The following DDX6 variants were observed in gnomAD, a reference collection of about 807,000 sequenced individuals.
The protein encoded by DDX6 is probable ATP-dependent RNA helicase DDX6.
Under a neutral mutation model 60.6 loss-of-function variants are expected in DDX6, and 7 were observed. The ratio of observed to expected loss-of-function variants is 0.12; its 90% CI spans 0.07 to 0.22. The LOEUF is 0.22. Ranked by LOEUF, DDX6 falls within the 10% of genes least tolerant of loss-of-function variation. The probability of loss-of-function intolerance (pLI) is 1.00; values close to 1 mark genes in which losing one functional copy is unlikely to be tolerated. For missense variants in DDX6, 270 were observed against 589.9 expected, an observed-to-expected ratio of 0.46 and a Z score of 5.62; for synonymous variants, 207 against 201.0, an observed-to-expected ratio of 1.03 and a Z score of -0.25.
intron 4 of DDX6, among the ~76,000 whole-genome samples, chr11:118,773,512 C>A (rs1861603194): frequency 6.6e-6 from 1 of 152,128 alleles, no homozygotes; most frequent in Admixed American, 6.5e-5. Flanking sequence ...GCAGAACTTG[C>A]AGTGAGCCAA....
At chr11:118,779,890 C>T (rs1555164319) in intron 3 of DDX6, among the ~76,000 whole-genome samples, 154 bp from the exon 4 acceptor site, 2 of 152,012 alleles carry the variant, frequency 1.3e-5, no homozygotes, top group African/African-American at 4.8e-5. Context: ...CCAAGGCGGG[C>T]AGATCACCTG....
At chr11:118,754,081 G>A (rs1160958141) in intron 13 of DDX6, among the ~76,000 whole-genome samples, 1 of 152,154 alleles carries the variant, frequency 6.6e-6, no homozygotes, top group Non-Finnish European at 1.5e-5. Context: ...CTGGGCAACA[G>A]AGCAAGACTC....
At chr11:118,766,107 A>C (rs1315426733) in intron 5 of DDX6, among the ~76,000 whole-genome samples, 2 of 152,032 alleles carry the variant, frequency 1.3e-5, no homozygotes, top group Admixed American at 6.6e-5. Context: ...TGCCCCTTAT[A>C]ATCTAGATAC....
At chr11:118,778,407 TCCC>T (rs1222193833) in intron 4 of DDX6, among the ~76,000 whole-genome samples, 1 of 152,002 alleles carries the variant, frequency 6.6e-6, no homozygotes, top group Non-Finnish European at 1.5e-5. Context: ...TCCTTTAGCA[TCCC>T]CCCATTGATG....
At chr11:118,773,232 T>G (rs1861592806) in intron 4 of DDX6, among the ~76,000 whole-genome samples, 1 of 152,188 alleles carries the variant, frequency 6.6e-6, no homozygotes, top group Admixed American at 6.5e-5. Context: ...CACTGACTGC[T>G]TCCTCTTATT....
At chr11:118,777,183 ATC>A (rs1200338268) in intron 4 of DDX6, among the ~76,000 whole-genome samples, 12 of 152,062 alleles carry the variant, frequency 7.9e-5, no homozygotes, top group African/African-American at 2.9e-4. Flanking sequence ...GCAACCATAT[ATC>A]TGTCTTATTC....
rs868990028 is a variant in DDX6 at position 118,747,963 on chromosome 11, A to G, written c.*4142T>C. Reference sequence around the variant, plus strand: ...AGAAAGCCAATTTTCCCTTCCCCCAATGTTTCTGAAATTTTGAGTTCCCAC... The same window carrying G: ...AGAAAGCCAATTTTCCCTTCCCCCAGTGTTTCTGAAATTTTGAGTTCCCAC... On this transcript the variant is annotated 3_prime_UTR_variant, in exon 14 of 14. Transcript: ENST00000534980. 2.3e-5 allele frequency: 3 copies of G among 132,404 alleles called. No homozygotes were observed. The highest frequency in any genetic ancestry group is 2.4e-4 in the East Asian group (1 of 4,254). The allele number at this position is 132,404 out of a possible 1,614,324, so 8.2% of individuals were successfully genotyped here. A position where few individuals can be genotyped will look rare whatever the true frequency, so the allele number is the denominator to read the frequency against.
At position 118,768,315 on chromosome 11, in the gene DDX6, AT is replaced by A; in HGVS notation, c.406del (p.Ile136SerfsTer2). ...SIPIALSGRDILARAKNGTGK... is the reference protein window; with the variant it reads ...SIPIALSGRDXLARAKNGTGK... ...TGTTCCATTTTTTGCTCTAGCTAAG[AT>A]ATCCCTACCAGATAAAGCAATGGGA... On this transcript the variant is annotated frameshift_variant, in exon 5 of 14. Transcript: ENST00000534980. LOFTEE classifies it high-confidence loss of function. 2 of 1,612,978 alleles carry A rather than the reference AT, an allele frequency of 1.2e-6. No individual in the cohort carries two copies. Among genetic ancestry groups the A allele is most frequent in the Non-Finnish European group, 1.7e-6 (2 of 1,179,856 alleles).
chr11:118,784,669 G>A (rs1862014758), intron 2 of DDX6, among the ~76,000 whole-genome samples: 1 of 152,008 alleles, frequency 6.6e-6, no homozygotes, highest in African/African-American at 2.4e-5. Context: ...ATGTTGGTCA[G>A]GCTGGCCTCA....
At chr11:118,759,755 A>G (rs1861103207) in intron 8 of DDX6, among the ~76,000 whole-genome samples, 167 bp downstream of exon 8, 1 of 152,230 alleles carries the variant, frequency 6.6e-6, no homozygotes, top group Non-Finnish European at 1.5e-5. Flanking sequence ...TTAAAAAGTC[A>G]GTTAATTTAC....
chr11:118,760,096 T>C lies in DDX6; in HGVS notation c.742-52A>G, dbSNP rs1591891003. On this transcript the variant is annotated intron_variant, in intron 7 of 13. Transcript: ENST00000534980. ...AAAAACAATAAAATAATGTCTAAGG[T>C]CTTGGTTAATACATGGTCAAAGAAT... The C allele has an allele frequency of 5.2e-6, 8 of 1,541,130 alleles. No individual in the cohort carries two copies. In the East Asian group the frequency reaches 1.8e-4, roughly 35 times the overall value.
intron 4 of DDX6, among the ~76,000 whole-genome samples, chr11:118,774,251 T>G (rs1318875083): frequency 6.6e-6 from 1 of 152,146 alleles, no homozygotes; most frequent in Non-Finnish European, 1.5e-5. Context: ...AAACAGTATA[T>G]TCTTAAGCCT....
chr11:118,773,446 C>T (rs932923222), intron 4 of DDX6, among the ~76,000 whole-genome samples: 14 of 152,144 alleles, frequency 9.2e-5, no homozygotes, highest in African/African-American at 3.4e-4. Flanking sequence ...GTGGCAGGCG[C>T]CTGCAGTCCC....
chr11:118,790,020 T>C (rs1862213083), intron 1 of DDX6: 1 of 152,220 alleles, frequency 6.6e-6, no homozygotes, highest in Non-Finnish European at 1.5e-5. Flanking sequence ...AGATCGTAGT[T>C]AGCAATTGAC....
rs1403206721 is a variant in DDX6, at chr11:118,749,683, C to CT, written c.*2421dup. 2 of 152,638 alleles carry CT rather than the reference C, an allele frequency of 1.3e-5. No individual in the cohort carries two copies. Among genetic ancestry groups the CT allele is most frequent in the Non-Finnish European group, 2.9e-5 (2 of 68,038 alleles). The allele number at this position is 152,638 out of a possible 1,614,324, so 9.5% of individuals were successfully genotyped here. ...CGAGATACAGAATTGCATTTATACT[C>CT]TTTTCTTCTACATGAATGATCCCTC... On this transcript the variant is annotated 3_prime_UTR_variant, in exon 14 of 14. Coordinates refer to ENST00000534980, the MANE Select transcript of DDX6 (RefSeq NM_004397.6).
At chr11:118,754,657 A>C in intron 13 of DDX6, 48 bp downstream of exon 13, 1 of 1,463,924 alleles carries the variant, frequency 6.8e-7, no homozygotes, top group Non-Finnish European at 9.2e-7. Flanking sequence ...GAAGATTTTG[A>C]TTTCCCTCAT....
intron 13 of DDX6, among the ~76,000 whole-genome samples, chr11:118,752,973 G>C (rs1313800640): frequency 6.6e-6 from 1 of 151,900 alleles, no homozygotes; most frequent in Non-Finnish European, 1.5e-5. Context: ...AAATCAGAGT[G>C]GGTATTTTAT....
Position 118,767,464 on chromosome 11 carries a change from T to C in DDX6, c.499+759A>G, listed in dbSNP as rs139084431. Among the ~76,000 whole-genome samples the C allele has an allele frequency of 3.2e-4, 48 of 152,262 alleles. 1 individual carries two copies. The highest frequency in any genetic ancestry group is 1.1e-3 in the African/African-American group (47 of 41,554). ...TGAATATAACTATGAAAATTTTTTA[T>C]TCCCCACTGCCTAGGCTCTTAAAAT... is the stretch of plus-strand genomic sequence containing the variant. On this transcript the variant is annotated intron_variant, in intron 5 of 13. Transcript: ENST00000534980.
At chr11:118,768,162 A>C (rs554907924) in intron 5 of DDX6, 61 bp downstream of exon 5, 1,164 of 1,502,998 alleles carry the variant, frequency 7.7e-4, no homozygotes, top group Non-Finnish European at 9.7e-4. Context: ...TATCTTCTAC[A>C]CATGGCTCCA....
Sources: allele counts gnomAD v4.1 joint callset (sites outside exome capture counted in the v4.1 genomes callset), GRCh38; gene constraint gnomAD v4.1.1; transcripts MANE v1.5; gene names NCBI Gene and HGNC (gene_info 2026-07-23, HGNC 2026-07-21).